CBFB: variants seen among roughly 807,000 people sequenced by gnomAD.
CBFB encodes CBF-beta.
In CBFB, 9 loss-of-function variants were observed where a neutral mutation model predicts 30.4. The observed-to-expected ratio is 0.30, with a 90% CI of 0.18 to 0.52. CBFB has a LOEUF of 0.52. CBFB is among the 20% of genes least tolerant of loss of function. CBFB has a pLI of 0.97. For synonymous variants in CBFB, 94 were observed against 84.0 expected, an observed-to-expected ratio of 1.12 and a Z score of -0.65; for missense variants, 170 against 244.0, an observed-to-expected ratio of 0.70 and a Z score of 2.02.
chr16:67,036,580 C>T, intron 2 of CBFB, 59 bp from the exon 3 acceptor site: 1 of 924,360 alleles, frequency 1.1e-6, no homozygotes, highest in Non-Finnish European at 1.8e-6. Context: ...TAAATGACTG[C>T]TTGCATAATT....
chr16:67,076,819 A>C (rs950720678), intron 4 of CBFB, among the ~76,000 whole-genome samples: 1 of 152,218 alleles, frequency 6.6e-6, no homozygotes, highest in African/African-American at 2.4e-5. Flanking sequence ...AAAGAAGGTC[A>C]TTGTTATTGT....
At chr16:67,084,698 TTG>T (rs1211745984) in intron 5 of CBFB, among the ~76,000 whole-genome samples, 1 of 152,154 alleles carries the variant, frequency 6.6e-6, no homozygotes. Flanking sequence ...TGAAGAAAAT[TTG>T]TGGTTTTTTT....
chr16:67,046,744 T>C (rs1966634566), intron 3 of CBFB, among the ~76,000 whole-genome samples: 1 of 152,188 alleles, frequency 6.6e-6, no homozygotes, highest in Non-Finnish European at 1.5e-5. Context: ...AGAAAACGTT[T>C]GTAATTTCTT....
intron 3 of CBFB, among the ~76,000 whole-genome samples, chr16:67,051,894 C>CAT (rs767172091): frequency 7.3e-4 from 105 of 144,408 alleles, no homozygotes; most frequent in African/African-American, 1.1e-3. Flanking sequence ...GGATTACAGG[C>CAT]ATATATATAT....
intron 4 of CBFB, among the ~76,000 whole-genome samples, chr16:67,079,444 A>G (rs1961494093): frequency 6.6e-6 from 1 of 152,126 alleles, no homozygotes; most frequent in African/African-American, 2.4e-5. Context: ...CACACAGAAC[A>G]AGATATCCAG....
At chr16:67,050,177 TTA>T (rs1214328232) in intron 3 of CBFB, among the ~76,000 whole-genome samples, 14 of 148,062 alleles carry the variant, frequency 9.5e-5, no homozygotes, top group African/African-American at 2.0e-4. Context: ...CATATATAAA[TTA>T]TATGTGATAT....
chr16:67,067,209 GT>G (rs1276229554), intron 4 of CBFB, among the ~76,000 whole-genome samples: 2 of 139,438 alleles, frequency 1.4e-5, no homozygotes, highest in African/African-American at 2.7e-5. Context: ...GACAAAAATT[GT>G]TTAAAAAAAA....
intron 3 of CBFB, among the ~76,000 whole-genome samples, chr16:67,051,974 T>G (rs1253582660): frequency 6.6e-6 from 1 of 151,764 alleles, no homozygotes; most frequent in Non-Finnish European, 1.5e-5. Flanking sequence ...TAGGAATATA[T>G]ATATATATTT....
intron 5 of CBFB, among the ~76,000 whole-genome samples, chr16:67,092,954 C>T (rs1306911768): frequency 1.3e-5 from 2 of 152,042 alleles, no homozygotes; most frequent in Non-Finnish European, 2.9e-5. Context: ...CTCAGGTGAT[C>T]TGCCCGCCTT....
At chr16:67,051,088 CTG>C (rs911453901) in intron 3 of CBFB, among the ~76,000 whole-genome samples, 1 of 152,190 alleles carries the variant, frequency 6.6e-6, no homozygotes, top group Admixed American at 6.5e-5. Flanking sequence ...GAGAGCAAAA[CTG>C]TGGCTAAGCG....
intron 4 of CBFB, among the ~76,000 whole-genome samples, chr16:67,070,639 C>A (rs146040726): frequency 3.3e-5 from 5 of 151,666 alleles, no homozygotes; most frequent in African/African-American, 4.8e-5. Flanking sequence ...TGCTTGGTCC[C>A]AGGAGTTTGA....
intron 4 of CBFB, among the ~76,000 whole-genome samples, chr16:67,081,499 T>G (rs1961552678): frequency 6.6e-6 from 1 of 152,086 alleles, no homozygotes; most frequent in South Asian, 2.1e-4. Context: ...CTCTGCTGTT[T>G]GTTTCTGTCG....
intron 2 of CBFB, among the ~76,000 whole-genome samples, chr16:67,035,720 AAT>A (rs2145711768): frequency 6.6e-6 from 1 of 152,346 alleles, no homozygotes; most frequent in Admixed American, 6.5e-5. Flanking sequence ...TTCAGAACTT[AAT>A]TAGTAGAATA....
At chr16:67,067,478 A>G (rs927397562) in intron 4 of CBFB, among the ~76,000 whole-genome samples, 3 of 152,214 alleles carry the variant, frequency 2.0e-5, no homozygotes, top group African/African-American at 7.2e-5. Context: ...AGATTGCGCT[A>G]CTGCACTCCA....
intron 2 of CBFB, among the ~76,000 whole-genome samples, chr16:67,032,081 T>C (rs566592148): frequency 6.6e-6 from 1 of 152,324 alleles, no homozygotes; most frequent in South Asian, 2.1e-4. Context: ...TTCTGTCATC[T>C]CAGACTTTGC....
At chr16:67,068,562 C>G (rs1961125586) in intron 4 of CBFB, among the ~76,000 whole-genome samples, 1 of 152,106 alleles carries the variant, frequency 6.6e-6, no homozygotes, top group South Asian at 2.1e-4. Context: ...CAGAATTAGT[C>G]CAGGCGAGTC....
rs1324668223 is a variant in CBFB, at chr16:67,079,816, T to C, written c.400-2397T>C. On this transcript the variant is annotated intron_variant, in intron 4 of 5. Transcript: ENST00000412916. ...TATTGATGACTTTTCTGGTATTGTT[T>C]TGGATCTTTTCGTTTCTTCAAGTGT... 1.3e-5 allele frequency among the ~76,000 whole-genome samples: 2 copies of C among 152,136 alleles called. 1 individual carries two copies. Among genetic ancestry groups the C allele is most frequent in the South Asian group, 4.1e-4 (2 of 4,824 alleles).
chr16:67,081,787 A>T (rs910843118), intron 4 of CBFB, among the ~76,000 whole-genome samples: 6 of 149,606 alleles, frequency 4.0e-5, no homozygotes, highest in African/African-American at 1.5e-4. Flanking sequence ...CTGCACTTGT[A>T]CTCCAGCCTG....
chr16:67,071,063 T>C lies in CBFB; in HGVS notation c.399+4265T>C, dbSNP rs528942699. Among the ~76,000 whole-genome samples, 64 of 152,190 alleles carry C rather than the reference T, an allele frequency of 4.2e-4. 1 individual carries two copies. The highest frequency in any genetic ancestry group is 7.9e-4 in the Non-Finnish European group (54 of 68,000). On this transcript the variant is annotated intron_variant, in intron 4 of 5. Coordinates refer to ENST00000412916, the MANE Select transcript of CBFB (RefSeq NM_022845.3). ...TACCGATAATAGGAGTTATACAGTG[T>C]ATAGTAAAAAAAATTCAGAGCAGGT...
Sources: gnomAD v4.1 joint callset for allele counts (sites outside exome capture counted in the v4.1 genomes callset) on GRCh38, gnomAD v4.1.1 for gene constraint, MANE v1.5 for transcripts, NCBI Gene and HGNC (gene_info 2026-07-23, HGNC 2026-07-21) for gene names.